The following TRAPPC6A variants were observed in gnomAD, a reference collection of about 807,000 sequenced individuals.
The protein encoded by TRAPPC6A is TRAPP complex subunit 6A.
TRAPPC6A carries 25 observed loss-of-function variants against 20.8 expected under a neutral mutation model. That is an observed-to-expected ratio of 1.20 (90% confidence interval 0.88 to 1.68). The LOEUF (loss-of-function observed/expected upper bound fraction) is 1.68, where lower values mean the gene tolerates loss of function less well. Ranked by LOEUF, TRAPPC6A falls within the 40% of genes most tolerant of loss-of-function variation. The probability of loss-of-function intolerance (pLI) is 0.00; values close to 1 mark genes in which losing one functional copy is unlikely to be tolerated. For missense variants in TRAPPC6A, 215 were observed against 211.6 expected, an observed-to-expected ratio of 1.02 and a Z score of -0.10; for synonymous variants, 96 against 93.3, an observed-to-expected ratio of 1.03 and a Z score of -0.16.
chr19:45,170,328 T>C (rs1453405620), intron 1 of TRAPPC6A, among the ~76,000 whole-genome samples: 5 of 152,136 alleles, frequency 3.3e-5, no homozygotes, highest in Non-Finnish European at 7.4e-5. Flanking sequence ...TTCACTATGC[T>C]CACAGCGACT....
intron 1 of TRAPPC6A, among the ~76,000 whole-genome samples, chr19:45,168,193 C>T (rs759014658): frequency 1.8e-4 from 28 of 151,908 alleles, no homozygotes; most frequent in Non-Finnish European, 3.2e-4. Context: ...TTAGCAGGGA[C>T]GGGGTTTCAC....
intron 3 of TRAPPC6A, among the ~76,000 whole-genome samples, 166 bp from the exon 4 acceptor site, chr19:45,164,413 G>A (rs1969097004): frequency 6.6e-6 from 1 of 152,106 alleles, no homozygotes; most frequent in Non-Finnish European, 1.5e-5. Flanking sequence ...GTAGGGCCCA[G>A]GGCTTCCAAA....
chr19:45,177,451 C>T (rs1969413050), intron 1 of TRAPPC6A, among the ~76,000 whole-genome samples: 1 of 152,154 alleles, frequency 6.6e-6, no homozygotes, highest in South Asian at 2.1e-4. Context: ...AGCCATTCTC[C>T]TGTCTCAGCC....
At chr19:45,175,744 G>A (rs1458611159) in intron 1 of TRAPPC6A, among the ~76,000 whole-genome samples, 1 of 152,092 alleles carries the variant, frequency 6.6e-6, no homozygotes, top group Non-Finnish European at 1.5e-5. Context: ...AGAGCCTGGG[G>A]GAGGGCTGCA....
intron 1 of TRAPPC6A, among the ~76,000 whole-genome samples, chr19:45,174,964 C>T (rs374490702): frequency 7.8e-6 from 1 of 127,458 alleles, no homozygotes; most frequent in Non-Finnish European, 1.7e-5. Flanking sequence ...ACTAAAAATA[C>T]AAAAAAAAAA....
rs1245837889 is a variant in TRAPPC6A, at chr19:45,164,190, G to T, written c.328C>A (p.Leu110Met). The T allele has an allele frequency of 6.2e-7, 1 of 1,610,316 alleles. No individual in the cohort carries two copies. The highest frequency in any genetic ancestry group is 1.7e-5 in the Admixed American group (1 of 59,486). The change falls in exon 4 of 6, where the codon CTG becomes ATG. Residue 110 changes from leucine to methionine, a missense_variant. Coordinates refer to ENST00000585934, the MANE Select transcript of TRAPPC6A (RefSeq NM_001270891.2). ...FPLLLPMASGLQYLEEAPKFL... is the reference protein window; with the variant it reads ...FPLLLPMASGMQYLEEAPKFL... ...TTGGGTGCTTCCTCCAGATACTGCA[G>T]GCCAGAGGCCATCGGGAGGAGGAGG...
chr19:45,175,724 C>G (rs1332118296), intron 1 of TRAPPC6A, among the ~76,000 whole-genome samples: 1 of 152,082 alleles, frequency 6.6e-6, no homozygotes, highest in Admixed American at 6.6e-5. Context: ...GGTATTTAGA[C>G]TGACTGGGCA....
chr19:45,164,249 T>C lies in TRAPPC6A; in HGVS notation c.271-2A>G. The C allele has an allele frequency of 6.3e-7, 1 of 1,597,538 alleles. No homozygotes were observed. Among genetic ancestry groups the C allele is most frequent in the South Asian group, 1.1e-5 (1 of 88,398 alleles). ...GTTGTCTTGCAGGACGTAGGTCCCC[T>C]GGGGGAGAGGAGAGGCTGGTGGGTG... On this transcript the variant is annotated splice_acceptor_variant, in intron 3 of 5. Transcript: ENST00000585934. LOFTEE classifies it high-confidence loss of function.
chr19:45,174,231 CAGA>C (rs1197435662), intron 1 of TRAPPC6A, among the ~76,000 whole-genome samples: 2 of 152,074 alleles, frequency 1.3e-5, no homozygotes, highest in African/African-American at 4.8e-5. Flanking sequence ...TCTGGGTCAT[CAGA>C]AGATCAAATG....
At position 45,163,442 on chromosome 19, in the gene TRAPPC6A, T is replaced by C. The variant is rs564888973; in HGVS notation, c.449-219A>G. 6.6e-6 allele frequency among the ~76,000 whole-genome samples: 1 copy of C among 152,210 alleles called. No individual in the cohort carries two copies. The highest frequency in any genetic ancestry group is 2.1e-4 in the South Asian group (1 of 4,828). On this transcript the variant is annotated intron_variant, in intron 5 of 5. Coordinates refer to ENST00000585934, the MANE Select transcript of TRAPPC6A (RefSeq NM_001270891.2). This position sits in a 1 kb window ranked among gnomAD's most constrained non-coding sequence, Gnocchi z 5.3. ...CAGGGAAGCGCCCGGCACGGGCTTC[T>C]GTGGTATGCATTGCTCGGTCCTACC...
intron 3 of TRAPPC6A, 62 bp from the exon 4 acceptor site, chr19:45,164,309 G>C: frequency 9.7e-6 from 11 of 1,136,646 alleles, no homozygotes; most frequent in Non-Finnish European, 1.4e-5. Context: ...CGCAGGGAGG[G>C]TAAGCAGGAA....
intron 1 of TRAPPC6A, 42 bp downstream of exon 1, chr19:45,178,093 C>G (rs1025079269): frequency 6.2e-7 from 1 of 1,612,246 alleles, no homozygotes; most frequent in Non-Finnish European, 8.5e-7. Flanking sequence ...GAGGCGTTAC[C>G]TTGGTGGCCC....
intron 1 of TRAPPC6A, among the ~76,000 whole-genome samples, chr19:45,177,181 G>A: frequency 8.3e-6 from 1 of 121,104 alleles, no homozygotes; most frequent in East Asian, 2.3e-4. Context: ...CGAGCAGGAT[G>A]CGCGTGCGCG....
chr19:45,177,002 T>TA (rs1157781079), intron 1 of TRAPPC6A, among the ~76,000 whole-genome samples: 2 of 151,268 alleles, frequency 1.3e-5, no homozygotes, highest in Middle Eastern at 3.4e-3. Context: ...CCGTCTCTAC[T>TA]AAAAAAAATA....
intron 1 of TRAPPC6A, among the ~76,000 whole-genome samples, chr19:45,169,621 G>A (rs1969228566): frequency 6.6e-6 from 1 of 152,236 alleles, no homozygotes; most frequent in Non-Finnish European, 1.5e-5. Flanking sequence ...CAGCCAATGA[G>A]GGATGAAGCC....
chr19:45,177,580 C>T, intron 1 of TRAPPC6A, among the ~76,000 whole-genome samples: 1 of 152,094 alleles, frequency 6.6e-6, no homozygotes, highest in Non-Finnish European at 1.5e-5. Flanking sequence ...CCGACGGCCT[C>T]GGCCTCCCAA....
intron 1 of TRAPPC6A, among the ~76,000 whole-genome samples, chr19:45,174,220 C>T (rs1969318667): frequency 6.6e-6 from 1 of 152,166 alleles, no homozygotes; most frequent in East Asian, 1.9e-4. Flanking sequence ...ATGCCAACCT[C>T]TCTGGGTCAT....
intron 1 of TRAPPC6A, among the ~76,000 whole-genome samples, chr19:45,168,512 C>T (rs192732057): frequency 2.7e-4 from 41 of 152,262 alleles, no homozygotes; most frequent in Non-Finnish European, 3.8e-4. Flanking sequence ...GCTCACCCAG[C>T]GGACACATCC....
At chr19:45,175,234 CT>C (rs1378791476) in intron 1 of TRAPPC6A, among the ~76,000 whole-genome samples, 1 of 145,796 alleles carries the variant, frequency 6.9e-6, no homozygotes, top group Non-Finnish European at 1.5e-5. Context: ...GCACTCCAGC[CT>C]GGGGGACAGA....
Sources: gnomAD v4.1 joint callset for allele counts (sites outside exome capture counted in the v4.1 genomes callset) on GRCh38, gnomAD v4.1.1 for gene constraint, Gnocchi (gnomAD v3.1) non-coding constraint, MANE v1.5 for transcripts, NCBI Gene and HGNC (gene_info 2026-07-23, HGNC 2026-07-21) for gene names.